TTC9: variants seen among roughly 807,000 people sequenced by gnomAD.
TTC9 encodes the protein tetratricopeptide repeat domain 9.
In TTC9, 13 loss-of-function variants were observed where a neutral mutation model predicts 22.9. That is an observed-to-expected ratio of 0.57 (90% CI 0.37 to 0.90). The LOEUF (loss-of-function observed/expected upper bound fraction) is 0.90, where lower values mean the gene tolerates loss of function less well. Ranked by LOEUF, TTC9 falls within the 40% of genes least tolerant of loss-of-function variation. The probability of loss-of-function intolerance (pLI) is 0.01; values close to 1 mark genes in which losing one functional copy is unlikely to be tolerated. For missense variants in TTC9, 280 were observed against 291.8 expected (o/e 0.96, Z 0.29); for synonymous variants, 148 against 133.2 (o/e 1.11, Z -0.77).
chr14:70,668,234 A>G (rs2139651168), intron 2 of TTC9, among the ~76,000 whole-genome samples: 1 of 152,334 alleles, frequency 6.6e-6, no homozygotes, highest in African/African-American at 2.4e-5. Flanking sequence ...GACATGTGTT[A>G]TCTATAGCAT....
At position 70,642,384 on chromosome 14, in the gene TTC9, G is replaced by A; in HGVS notation, c.255G>A (p.Leu85=). ...EAIGKYHRAL[L]ELKGLLPPPG... ...TAGGCAAATACCACCGGGCGTTGCT[G>A]GAGCTGAAGGGGCTGCTGCCGCCCC... is the stretch of plus-strand genomic sequence containing the variant. Residue 85 remains leucine (L), a synonymous_variant, in exon 1 of 3, where the codon CTG becomes CTA. Coordinates refer to ENST00000256367, the MANE Select transcript of TTC9 (RefSeq NM_015351.2). The A allele has an allele frequency of 6.2e-7, 1 of 1,604,544 alleles. No homozygotes were observed. Among genetic ancestry groups the A allele is most frequent in the Non-Finnish European group, 8.5e-7 (1 of 1,176,284 alleles).
chr14:70,675,123 A>G lies in TTC9; in HGVS notation c.*3968A>G, dbSNP rs112123498. On this transcript the variant is annotated 3_prime_UTR_variant, in exon 3 of 3. Transcript: ENST00000256367. Reference sequence around the variant, plus strand: ...TGGTAGCTGGGATAATAGTATGTCAATGTTATTTTAACTTTCTTTGATTCT... The same window carrying G: ...TGGTAGCTGGGATAATAGTATGTCAGTGTTATTTTAACTTTCTTTGATTCT... 11 of 152,278 alleles carry G rather than the reference A, an allele frequency of 7.2e-5. No individual in the cohort carries two copies. The South Asian group carries it at 2.3e-3, about 32-fold the overall frequency. 9.4% of individuals were successfully genotyped at this position (152,278 alleles called of 1,614,324 possible).
intron 1 of TTC9, among the ~76,000 whole-genome samples, chr14:70,650,778 C>T (rs1406093264): frequency 1.3e-5 from 2 of 152,126 alleles, no homozygotes; most frequent in East Asian, 3.9e-4. Flanking sequence ...GTCTCCAAAA[C>T]CTATATTACT....
At chr14:70,654,778 T>G (rs1026432447) in intron 1 of TTC9, among the ~76,000 whole-genome samples, 3 of 151,976 alleles carry the variant, frequency 2.0e-5, no homozygotes, top group Admixed American at 2.0e-4. Context: ...GAGACTTCAG[T>G]GCAGCCACAT....
At chr14:70,653,573 T>G (rs1171146078) in intron 1 of TTC9, among the ~76,000 whole-genome samples, 1 of 152,160 alleles carries the variant, frequency 6.6e-6, no homozygotes, top group Non-Finnish European at 1.5e-5. Context: ...AGGATTTGGG[T>G]CAGTCTAAGA....
intron 2 of TTC9, 106 bp from the exon 3 acceptor site, chr14:70,670,970 G>A (rs1886285516): frequency 7.4e-6 from 8 of 1,076,644 alleles, no homozygotes; most frequent in Non-Finnish European, 6.8e-6. Context: ...TTGGTTGAGT[G>A]AGCCTGGCCT....
intron 1 of TTC9, among the ~76,000 whole-genome samples, chr14:70,650,227 G>T (rs1885963623): frequency 6.6e-6 from 1 of 152,126 alleles, no homozygotes; most frequent in African/African-American, 2.4e-5. Context: ...TTTGAGACCA[G>T]TCTGGCCAAC....
intron 1 of TTC9, among the ~76,000 whole-genome samples, chr14:70,659,216 AG>A (rs1337369050): frequency 6.6e-6 from 1 of 151,914 alleles, no homozygotes; most frequent in Non-Finnish European, 1.5e-5. Flanking sequence ...GGATTCTATC[AG>A]TGTCAATATC....
At chr14:70,664,843 C>T (rs1227144670) in intron 1 of TTC9, among the ~76,000 whole-genome samples, 13 of 152,150 alleles carry the variant, frequency 8.5e-5, no homozygotes, top group Admixed American at 8.5e-4. Context: ...TCAGCTGAGG[C>T]TCCACACCCT....
chr14:70,668,503 T>C (rs1485534572), intron 2 of TTC9, among the ~76,000 whole-genome samples: 2 of 152,074 alleles, frequency 1.3e-5, no homozygotes, highest in African/African-American at 4.8e-5. Context: ...ACAAATGAAA[T>C]ACTTAGTAGT....
At chr14:70,652,644 G>T (rs1156831306) in intron 1 of TTC9, among the ~76,000 whole-genome samples, 1 of 152,246 alleles carries the variant, frequency 6.6e-6, no homozygotes, top group African/African-American at 2.4e-5. Context: ...AACAGTTGCT[G>T]GCTAAGTTCT....
intron 1 of TTC9, among the ~76,000 whole-genome samples, chr14:70,658,897 T>C (rs923883715): frequency 2.6e-5 from 4 of 152,232 alleles, no homozygotes; most frequent in African/African-American, 9.7e-5. Context: ...GAACTATTGG[T>C]GCATTTAACA....
intron 1 of TTC9, among the ~76,000 whole-genome samples, chr14:70,655,983 T>A (rs1488862224): frequency 6.6e-6 from 1 of 152,068 alleles, no homozygotes; most frequent in South Asian, 2.1e-4. Context: ...TTCCCCACTC[T>A]CAGATTCCCT....
chr14:70,667,589 A>T lies in TTC9; in HGVS notation c.432A>T (p.Val144=), dbSNP rs549876746. The T allele has an allele frequency of 1.2e-6, 2 of 1,614,038 alleles. No individual in the cohort carries two copies. Among genetic ancestry groups the T allele is most frequent in the East Asian group, 4.5e-5 (2 of 44,884 alleles). ...LAACLLQAEL[V]NYERVKEYCL... Reference sequence around the variant, plus strand: ...CCTGCCTGCTCCAGGCTGAGCTGGTAAACTATGAACGAGTCAAGGAATATT... The same window carrying T: ...CCTGCCTGCTCCAGGCTGAGCTGGTTAACTATGAACGAGTCAAGGAATATT... Residue 144 remains valine (V), a synonymous_variant, in exon 2 of 3, where the codon GTA becomes GTT. Transcript: ENST00000256367.
chr14:70,670,482 AC>A (rs1376842520), intron 2 of TTC9, among the ~76,000 whole-genome samples: 3 of 151,930 alleles, frequency 2.0e-5, no homozygotes, highest in Non-Finnish European at 4.4e-5. Flanking sequence ...ATATGATGAA[AC>A]CCCGTCTCTA....
At chr14:70,651,245 A>C (rs1223760030) in intron 1 of TTC9, among the ~76,000 whole-genome samples, 3 of 152,056 alleles carry the variant, frequency 2.0e-5, no homozygotes, top group African/African-American at 7.3e-5. Flanking sequence ...GCCTCCCAGC[A>C]TGCTGGGATT....
chr14:70,658,681 A>G lies in TTC9; in HGVS notation c.407-8883A>G, dbSNP rs147704001. On this transcript the variant is annotated intron_variant, in intron 1 of 2. Transcript: ENST00000256367. ...GCCAACATCATAGTTGATGACAAGA[A>G]ATGAAATTCTTTCTCTTATGATCCA... 1.9e-3 allele frequency among the ~76,000 whole-genome samples: 288 copies of G among 152,368 alleles called. 2 individuals carry two copies. Among genetic ancestry groups the G allele is most frequent in the African/African-American group, 6.6e-3 (273 of 41,588 alleles).
In TTC9 at chr14:70,673,610, A is replaced by G. The variant is rs541233353; in HGVS notation, c.*2455A>G. 8.1e-5 allele frequency: 12 copies of G among 147,916 alleles called. No individual in the cohort carries two copies. Among genetic ancestry groups the G allele is most frequent in the African/African-American group, 3.0e-4 (12 of 40,024 alleles). The allele number at this position is 147,916 out of a possible 1,614,324, so 9.2% of individuals were successfully genotyped here. On this transcript the variant is annotated 3_prime_UTR_variant, in exon 3 of 3. Coordinates refer to ENST00000256367, the MANE Select transcript of TTC9 (RefSeq NM_015351.2). The stretch of plus-strand genomic sequence containing the variant: ...CCCCATTCCCAAGCCTCCAACTTAG[A>G]ACGTTTGTGATTTGGCAGATGGTTT...
In TTC9 at chr14:70,641,956, A is replaced by C; in HGVS notation, c.-174A>C. The C allele has an allele frequency of 4.0e-6, 1 of 248,652 alleles. No individual in the cohort carries two copies. Among genetic ancestry groups the C allele is most frequent in the Non-Finnish European group, 6.4e-6 (1 of 155,304 alleles). 15.4% of individuals were successfully genotyped at this position (248,652 alleles called of 1,614,324 possible). The stretch of plus-strand genomic sequence containing the variant: ...GGCGGCGGCTGGAGCAGCCTCTGGC[A>C]GCAGCGGGGAGAATGGGAGTGCGGG... On this transcript the variant is annotated 5_prime_UTR_variant, in exon 1 of 3. Transcript: ENST00000256367.
Sources: gnomAD v4.1 joint callset for allele counts (sites outside exome capture counted in the v4.1 genomes callset) on GRCh38, gnomAD v4.1.1 for gene constraint, MANE v1.5 for transcripts, NCBI Gene and HGNC (gene_info 2026-07-23, HGNC 2026-07-21) for gene names.